ZBTB40: variants seen among roughly 807,000 people sequenced by gnomAD.
The protein encoded by ZBTB40 is zinc finger and BTB domain-containing protein 40.
ZBTB40 carries 60 observed loss-of-function variants against 117.5 expected under a neutral mutation model. That is an observed-to-expected ratio of 0.51 (90% confidence interval 0.41 to 0.63). The LOEUF is 0.63. ZBTB40 is among the 30% of genes least tolerant of loss of function. The pLI, the probability that ZBTB40 is intolerant of heterozygous loss-of-function variation, is 0.00. For synonymous variants in ZBTB40, 525 were observed against 577.1 expected, an observed-to-expected ratio of 0.91 and a Z score of 1.29; for missense variants, 1,287 against 1,498.5, an observed-to-expected ratio of 0.86 and a Z score of 2.33.
intron 1 of ZBTB40, among the ~76,000 whole-genome samples, chr1:22,483,366 A>G (rs1638379533): frequency 6.6e-6 from 1 of 152,150 alleles, no homozygotes; most frequent in Non-Finnish European, 1.5e-5. Context: ...TTTGTAAGAA[A>G]CTGTTAATCT....
rs147649913 is a variant in ZBTB40, at chr1:22,457,671, A to G, written c.-70+5667A>G. On this transcript the variant is annotated intron_variant, in intron 1 of 17. Transcript: ENST00000375647. ...GTAAATAATAGGTTTTCAGGCTCCA[A>G]ATATTGGTTATTTGTTGGTTAATAT... 5.5e-4 allele frequency among the ~76,000 whole-genome samples: 84 copies of G among 152,338 alleles called. 1 individual carries two copies. Among genetic ancestry groups the G allele is most frequent in the African/African-American group, 1.8e-3 (76 of 41,582 alleles).
chr1:22,525,917 A>C (rs1005427493), intron 17 of ZBTB40, among the ~76,000 whole-genome samples: 2 of 152,194 alleles, frequency 1.3e-5, no homozygotes, highest in East Asian at 3.9e-4. Flanking sequence ...AGTGTGAAAA[A>C]CAGAGCCAGT....
chr1:22,433,449 A>AAAAAAAAAAAAAAAAAC, intron 1 of ZBTB40, among the ~76,000 whole-genome samples: 1 of 141,546 alleles, frequency 7.1e-6, no homozygotes, highest in Non-Finnish European at 1.6e-5. Context: ...AAAAAAAAAA[A>AAAAAAAAAAAAAAAAAC]AAAAAAAAGA....
chr1:22,451,760 AG>A (rs953111727), upstream of ZBTB40: 2 of 152,256 alleles, frequency 1.3e-5, no homozygotes, highest in Admixed American at 1.3e-4. Context: ...CCGCCGTCCT[AG>A]CATAGGTGGA....
rs1194038232 is a variant in ZBTB40, at chr1:22,530,426, CT to C, written c.*4031del. On this transcript the variant is annotated 3_prime_UTR_variant, in exon 18 of 18. Transcript: ENST00000375647. ...GCCAAAATTTAGAAGCTTGCTACTC[CT>C]ACGACTCGGCCTATAAGGAAGAGAG... The C allele has an allele frequency of 4.6e-5, 7 of 152,212 alleles. No individual in the cohort carries two copies. The highest frequency in any genetic ancestry group is 9.7e-5 in the African/African-American group (4 of 41,406). 9.4% of individuals were successfully genotyped at this position (152,212 alleles called of 1,614,324 possible). A position where few individuals can be genotyped will look rare whatever the true frequency, so the allele number is the denominator to read the frequency against.
chr1:22,452,528 G>A (rs1640905075), intron 1 of ZBTB40: 1 of 152,240 alleles, frequency 6.6e-6, no homozygotes, highest in African/African-American at 2.4e-5. Flanking sequence ...ACACGGCCCT[G>A]TTCATTGTTG....
At chr1:22,495,880 C>T (rs1482063521) in intron 3 of ZBTB40, among the ~76,000 whole-genome samples, 1 of 152,220 alleles carries the variant, frequency 6.6e-6, no homozygotes, top group East Asian at 1.9e-4. Context: ...TCAACACTGC[C>T]ACTTACTTGC....
At chr1:22,519,756 A>G (rs1454875670) in intron 13 of ZBTB40, 2 of 403,406 alleles carry the variant, frequency 5.0e-6, no homozygotes, top group Non-Finnish European at 9.4e-6. Flanking sequence ...AACTCCCTGG[A>G]AAGTGATAAA....
intron 1 of ZBTB40, among the ~76,000 whole-genome samples, chr1:22,468,643 C>CTTTTTTTT (rs71020424): frequency 3.8e-4 from 11 of 28,608 alleles, no homozygotes; most frequent in Non-Finnish European, 5.3e-4. Flanking sequence ...GCCTGGCTGG[C>CTTTTTTTT]TTTTTTTTTT....
intron 9 of ZBTB40, among the ~76,000 whole-genome samples, chr1:22,510,817 G>A (rs886883908): frequency 1.3e-5 from 2 of 152,092 alleles, no homozygotes; most frequent in South Asian, 2.1e-4. Context: ...CAGACACACC[G>A]ACGACCAAAT....
chr1:22,491,052 C>T (rs775233884), intron 2 of ZBTB40, among the ~76,000 whole-genome samples: 1 of 152,164 alleles, frequency 6.6e-6, no homozygotes, highest in African/African-American at 2.4e-5. Context: ...TGTGCCACCA[C>T]GCCCAGCTAA....
chr1:22,500,104 G>T (rs765017464), intron 3 of ZBTB40, among the ~76,000 whole-genome samples: 7 of 152,200 alleles, frequency 4.6e-5, no homozygotes, highest in Non-Finnish European at 5.9e-5. Flanking sequence ...TTCAGTTTTG[G>T]TTACCAGATT....
At position 22,472,163 on chromosome 1, in the gene ZBTB40, A is replaced by C. The variant is rs150483661; in HGVS notation, c.-69-17717A>C. On this transcript the variant is annotated intron_variant, in intron 1 of 17. Transcript: ENST00000375647. ...GGCCCTCGAGATTGTACTAGATGTC[A>C]AGTAAGCATGTAACTGAGCTGCTTT... 4.6e-5 allele frequency among the ~76,000 whole-genome samples: 7 copies of C among 151,340 alleles called. No homozygotes were observed. In the East Asian group the frequency reaches 1.4e-3, roughly 29 times the overall value.
At chr1:22,433,773 T>G (rs1640634074) in intron 1 of ZBTB40, among the ~76,000 whole-genome samples, 1 of 151,732 alleles carries the variant, frequency 6.6e-6, no homozygotes, top group Non-Finnish European at 1.5e-5. Context: ...ACAGCCTGGG[T>G]GACAGAGTGA....
At chr1:22,450,340 A>T (rs1423854947), upstream of ZBTB40, among the ~76,000 whole-genome samples, 1 of 152,200 alleles carries the variant, frequency 6.6e-6, no homozygotes, top group African/African-American at 2.4e-5. Flanking sequence ...TGTTCCCACT[A>T]AAAGAGAATG....
chr1:22,499,134 C>T (rs1638857351), intron 3 of ZBTB40, among the ~76,000 whole-genome samples: 1 of 152,212 alleles, frequency 6.6e-6, no homozygotes. Flanking sequence ...TTTTTCTAAG[C>T]CCACTCTCAT....
intron 6 of ZBTB40, among the ~76,000 whole-genome samples, chr1:22,506,803 A>G (rs561950545): frequency 6.6e-6 from 1 of 152,350 alleles, no homozygotes; most frequent in Non-Finnish European, 1.5e-5. Context: ...CCTAGCCTAT[A>G]AAAGTAGTAT....
chr1:22,526,827 T>A lies in ZBTB40; in HGVS notation c.*431T>A, dbSNP rs956483370. 4 of 282,922 alleles carry A rather than the reference T, an allele frequency of 1.4e-5. No individual in the cohort carries two copies. The highest frequency in any genetic ancestry group is 9.5e-5 in the Admixed American group (2 of 21,078). 17.5% of individuals were successfully genotyped at this position (282,922 alleles called of 1,614,324 possible). A position where few individuals can be genotyped will look rare whatever the true frequency, so the allele number is the denominator to read the frequency against. On this transcript the variant is annotated 3_prime_UTR_variant, in exon 18 of 18. Transcript: ENST00000375647. ...GGCCCACAGTGGGGGCTGCAAATGC[T>A]GCCACTGCCTCTGGCCATTTAAAGT...
intron 1 of ZBTB40, among the ~76,000 whole-genome samples, chr1:22,429,325 G>T (rs1640546049): frequency 6.6e-6 from 1 of 151,868 alleles, no homozygotes. Flanking sequence ...AGCTTGCAGT[G>T]AGCCGACATA....
Sources: allele counts gnomAD v4.1 joint callset (sites outside exome capture counted in the v4.1 genomes callset), GRCh38; gene constraint gnomAD v4.1.1; transcripts MANE v1.5; gene names NCBI Gene and HGNC (gene_info 2026-07-23, HGNC 2026-07-21).